The following PIP5K1A variants were observed in gnomAD, a reference collection of about 807,000 sequenced individuals.
PIP5K1A encodes the protein phosphatidylinositol-4-phosphate 5-kinase type 1 alpha.
PIP5K1A carries 46 observed loss-of-function variants against 72.9 expected under a neutral mutation model. The ratio of observed to expected loss-of-function variants is 0.63; its 90% CI spans 0.50 to 0.81. PIP5K1A has a LOEUF of 0.81. Ranked by LOEUF, PIP5K1A falls within the 30% of genes least tolerant of loss-of-function variation. The pLI, the probability that PIP5K1A is intolerant of heterozygous loss-of-function variation, is 0.00. For synonymous variants in PIP5K1A, 228 were observed against 255.1 expected (o/e 0.89, Z 1.01); for missense variants, 458 against 706.1 (o/e 0.65, Z 3.98).
rs1384610068 is a variant in PIP5K1A at position 151,247,400 on chromosome 1, T to C, written c.1686+435T>C. Among the ~76,000 whole-genome samples, 4 of 152,154 alleles carry C rather than the reference T, an allele frequency of 2.6e-5. No individual in the cohort carries two copies. In the East Asian group the frequency reaches 7.7e-4, roughly 29 times the overall value. On this transcript the variant is annotated intron_variant, in intron 15 of 15. Transcript: ENST00000368888. ...CCTTGGCCTCTCAAAGTGCTGGGATTACAGCCGTGAGCCATTGCACCCAGC... is the reference window on the plus strand; with the variant it reads ...CCTTGGCCTCTCAAAGTGCTGGGATCACAGCCGTGAGCCATTGCACCCAGC...
chr1:151,222,181 T>A (rs1468128818), intron 1 of PIP5K1A, among the ~76,000 whole-genome samples: 2 of 152,212 alleles, frequency 1.3e-5, no homozygotes, highest in Non-Finnish European at 2.9e-5. Context: ...CTCTGATGTG[T>A]GCCATAGGGG....
intron 1 of PIP5K1A, among the ~76,000 whole-genome samples, chr1:151,201,051 G>A (rs1685154064): frequency 6.6e-6 from 1 of 152,128 alleles, no homozygotes; most frequent in Non-Finnish European, 1.5e-5. Context: ...AGCCAGGATG[G>A]TCTCGATCTC....
At chr1:151,210,373 A>G (rs931462303) in intron 1 of PIP5K1A, among the ~76,000 whole-genome samples, 5 of 149,872 alleles carry the variant, frequency 3.3e-5, no homozygotes, top group Non-Finnish European at 4.4e-5. Flanking sequence ...TTTCTTAAGT[A>G]GAGACAGTCT....
intron 9 of PIP5K1A, 137 bp downstream of exon 9, chr1:151,236,900 C>T: frequency 1.6e-6 from 1 of 630,032 alleles, no homozygotes; most frequent in Admixed American, 3.1e-5. Flanking sequence ...CGATCTCAGC[C>T]TACTACTACC....
At chr1:151,215,863 A>G (rs1687515753) in intron 1 of PIP5K1A, 5 of 564,314 alleles carry the variant, frequency 8.9e-6, no homozygotes, top group Admixed American at 7.1e-5. Context: ...TCCAGTTCAT[A>G]ATTTTAAACT....
At chr1:151,209,053 A>G (rs1308353020) in intron 1 of PIP5K1A, among the ~76,000 whole-genome samples, 2 of 147,924 alleles carry the variant, frequency 1.4e-5, no homozygotes, top group South Asian at 4.3e-4. Context: ...TTTTGAACAC[A>G]CTTCCTTAGA....
upstream of PIP5K1A, among the ~76,000 whole-genome samples, chr1:151,196,243 T>C (rs1259963303): frequency 6.6e-6 from 1 of 152,114 alleles, no homozygotes; most frequent in Non-Finnish European, 1.5e-5. Flanking sequence ...AGCAATCCTA[T>C]GCCTTTTCGG....
At chr1:151,216,900 GTT>G (rs78155966) in intron 1 of PIP5K1A, among the ~76,000 whole-genome samples, 3,489 of 131,870 alleles carry the variant, frequency 0.026, 4 homozygotes, top group Admixed American at 0.035. Flanking sequence ...CTTAGTAAAT[GTT>G]TTTTTTTTTT....
At chr1:151,225,731 A>G (rs1032924732) in intron 3 of PIP5K1A, among the ~76,000 whole-genome samples, 3 of 150,542 alleles carry the variant, frequency 2.0e-5, no homozygotes, top group South Asian at 2.1e-4. Flanking sequence ...TGGCCTCCCA[A>G]TGTGCTGGGA....
chr1:151,225,748 G>A (rs1012464638), intron 3 of PIP5K1A, among the ~76,000 whole-genome samples: 3 of 151,862 alleles, frequency 2.0e-5, no homozygotes, highest in Non-Finnish European at 2.9e-5. Flanking sequence ...GGGATTACAG[G>A]TGTGAGCCAC....
At chr1:151,238,392 T>C in intron 10 of PIP5K1A, 127 bp downstream of exon 10, 1 of 691,574 alleles carries the variant, frequency 1.4e-6, no homozygotes, top group South Asian at 1.6e-5. Context: ...TCTGGCTACT[T>C]ACTTCATTAG....
chr1:151,199,072 T>G lies in PIP5K1A; in HGVS notation c.76T>G (p.Leu26Val). ...TGATCCCGCGGTCCCTTCCTGTACC[T>G]TGTCCTCAGGTAAGCCCGGCAGGGC... is the stretch of plus-strand genomic sequence containing the variant. ...SFDPAVPSCT[L>V]SSAASGIKRP... The change falls in exon 1 of 16, where the codon TTG (leucine) becomes GTG (valine). Residue 26 changes from leucine (L) to valine (V), a missense_variant. By Grantham distance (32) the Leu-to-Val change is conservative (BLOSUM62 1). Transcript: ENST00000368888. The G allele has an allele frequency of 6.2e-7, 1 of 1,614,122 alleles. No individual in the cohort carries two copies. The highest frequency in any genetic ancestry group is 8.5e-7 in the Non-Finnish European group (1 of 1,180,018).
chr1:151,207,534 C>CTTTT (rs11384537), intron 1 of PIP5K1A, among the ~76,000 whole-genome samples: 1 of 141,836 alleles, frequency 7.1e-6, no homozygotes. Flanking sequence ...CAAGATTAAT[C>CTTTT]TTTTTTTTTT....
At chr1:151,204,085 C>G (rs914585392) in intron 1 of PIP5K1A, among the ~76,000 whole-genome samples, 7 of 152,102 alleles carry the variant, frequency 4.6e-5, no homozygotes, top group Non-Finnish European at 8.8e-5. Flanking sequence ...CTTCATCAGT[C>G]TGTGATTCTG....
rs1684805461 is a variant in PIP5K1A at position 151,198,986 on chromosome 1, G to A, written c.-11G>A. Reference sequence around the variant, plus strand: ...GAGAGCCAGGCCGCTGAGGGGGAGGGGGCTGCTAAGATGGCGTCGGCCTCC... The same window carrying A: ...GAGAGCCAGGCCGCTGAGGGGGAGGAGGCTGCTAAGATGGCGTCGGCCTCC... On this transcript the variant is annotated 5_prime_UTR_variant, in exon 1 of 16. Coordinates refer to ENST00000368888, the MANE Select transcript of PIP5K1A (RefSeq NM_001135638.2). The A allele has an allele frequency of 6.2e-7, 1 of 1,613,070 alleles. No individual in the cohort carries two copies. The highest frequency in any genetic ancestry group is 1.3e-5 in the African/African-American group (1 of 75,036).
At chr1:151,223,348 CAAA>C (rs1234599998) in intron 1 of PIP5K1A, among the ~76,000 whole-genome samples, 5 of 63,396 alleles carry the variant, frequency 7.9e-5, no homozygotes, top group Admixed American at 1.8e-4. Flanking sequence ...AACTCCGTCT[CAAA>C]AAAAAAAAAA....
intron 1 of PIP5K1A, among the ~76,000 whole-genome samples, chr1:151,211,597 C>G (rs915280853): frequency 6.6e-6 from 1 of 151,386 alleles, no homozygotes; most frequent in African/African-American, 2.4e-5. Flanking sequence ...GAGATCGAGA[C>G]CATCCTGGCT....
At chr1:151,240,210 A>C in intron 12 of PIP5K1A, 171 bp downstream of exon 12, 1 of 587,260 alleles carries the variant, frequency 1.7e-6, no homozygotes, top group Admixed American at 3.4e-5. Flanking sequence ...TGTCATAGTC[A>C]TTTCCAAGTT....
intron 8 of PIP5K1A, among the ~76,000 whole-genome samples, 180 bp from the exon 9 acceptor site, chr1:151,236,378 A>C (rs1047610404): frequency 6.6e-6 from 1 of 152,010 alleles, no homozygotes; most frequent in African/African-American, 2.4e-5. Context: ...TGGGAGGCTG[A>C]AGTAGGTGGA....
Sources: allele counts gnomAD v4.1 joint callset (sites outside exome capture counted in the v4.1 genomes callset), GRCh38; gene constraint gnomAD v4.1.1; transcripts MANE v1.5; gene names NCBI Gene and HGNC (gene_info 2026-07-23, HGNC 2026-07-21).